Variants in CNOT2 observed in about 807,000 individuals in gnomAD.
CNOT2 encodes the protein CCR4-NOT transcription complex subunit 2.
CNOT2 carries 7 observed loss-of-function variants against 72.1 expected under a neutral mutation model. The observed-to-expected ratio is 0.10, with a 90% confidence interval of 0.06 to 0.18. The LOEUF is 0.18. Ranked by LOEUF, CNOT2 falls within the 10% of genes least tolerant of loss-of-function variation. CNOT2 has a pLI of 1.00. For synonymous variants in CNOT2, 196 were observed against 225.6 expected (o/e 0.87, Z 1.17); for missense variants, 345 against 660.3 (o/e 0.52, Z 5.23).
intron 1 of CNOT2, among the ~76,000 whole-genome samples, chr12:70,249,762 C>T (rs897799754): frequency 2.0e-5 from 3 of 151,930 alleles, no homozygotes; most frequent in African/African-American, 7.3e-5. Flanking sequence ...CACTGAGAAA[C>T]GTTAAAAACT....
chr12:70,281,580 A>G (rs1402657096), intron 2 of CNOT2, among the ~76,000 whole-genome samples: 2 of 152,128 alleles, frequency 1.3e-5, no homozygotes, highest in Non-Finnish European at 2.9e-5. Context: ...GGGTTTACTT[A>G]TATTGGTTAT....
At chr12:70,337,808 G>A (rs1326530274) in intron 9 of CNOT2, 1 of 473,032 alleles carries the variant, frequency 2.1e-6, no homozygotes, top group East Asian at 6.3e-5. Context: ...CTAAGGAGCT[G>A]TGTTTTTCTT....
At chr12:70,257,280 A>T (rs1958502152) in intron 1 of CNOT2, among the ~76,000 whole-genome samples, 1 of 152,088 alleles carries the variant, frequency 6.6e-6, no homozygotes, top group Non-Finnish European at 1.5e-5. Context: ...GGAGTAAATG[A>T]CAACATATGT....
chr12:70,280,993 C>T (rs562668624), intron 2 of CNOT2, among the ~76,000 whole-genome samples: 25 of 152,028 alleles, frequency 1.6e-4, no homozygotes, highest in Admixed American at 8.5e-4. Context: ...TTATCTTCCT[C>T]TAATTTAGAC....
At chr12:70,257,390 T>G (rs957130190) in intron 1 of CNOT2, among the ~76,000 whole-genome samples, 2 of 141,362 alleles carry the variant, frequency 1.4e-5, no homozygotes, top group African/African-American at 2.6e-5. Flanking sequence ...AGACGGAGTC[T>G]CGCTCTTTCG....
intron 1 of CNOT2, among the ~76,000 whole-genome samples, chr12:70,273,185 G>A (rs956546798): frequency 6.6e-6 from 1 of 151,948 alleles, no homozygotes; most frequent in South Asian, 2.1e-4. Context: ...TCTGTACTTT[G>A]TCTCCAGTTT....
At position 70,330,455 on chromosome 12, in the gene CNOT2, T is replaced by G. The variant is rs771395739; in HGVS notation, c.555T>G (p.Pro185=). The G allele has an allele frequency of 1.9e-6, 3 of 1,609,626 alleles. No homozygotes were observed. Among genetic ancestry groups the G allele is most frequent in the Non-Finnish European group, 8.5e-7 (1 of 1,176,974 alleles). Residue 185 remains proline, a synonymous_variant, in exon 6 of 16, where the codon CCT becomes CCG. Transcript: ENST00000229195. ...CAAAGCAGCAGCCTTCTCGACAGCC[T>G]TTTACTGTGAACAGGTAAGATGTTT... ...CMPKQQPSRQ[P]FTVNSMSGFG...
chr12:70,302,953 C>T (rs1874372728), intron 2 of CNOT2, among the ~76,000 whole-genome samples: 2 of 152,134 alleles, frequency 1.3e-5, no homozygotes, highest in Admixed American at 1.3e-4. Context: ...TTGAATTGAT[C>T]CCTTTACCAT....
At chr12:70,272,537 GTTTTCTTAC>G (rs1247752065) in intron 1 of CNOT2, among the ~76,000 whole-genome samples, 1 of 152,110 alleles carries the variant, frequency 6.6e-6, no homozygotes, top group Non-Finnish European at 1.5e-5. Context: ...CTTACTCTTT[GTTTTCTTAC>G]CTATCATTAG....
intron 2 of CNOT2, among the ~76,000 whole-genome samples, chr12:70,279,983 C>G (rs1214543973): frequency 6.6e-6 from 1 of 152,034 alleles, no homozygotes. Flanking sequence ...TCCCTTTTCT[C>G]TCTTCGTTTA....
intron 2 of CNOT2, among the ~76,000 whole-genome samples, chr12:70,298,836 C>G (rs1259804925): frequency 1.3e-5 from 2 of 151,984 alleles, no homozygotes; most frequent in East Asian, 1.9e-4. Flanking sequence ...ATCTTATAAG[C>G]CTTATTGATT....
At chr12:70,275,781 G>T (rs1053788699) in intron 1 of CNOT2, among the ~76,000 whole-genome samples, 1 of 152,018 alleles carries the variant, frequency 6.6e-6, no homozygotes, top group Non-Finnish European at 1.5e-5. Flanking sequence ...CCTTTTCACA[G>T]ATTGTGTCTC....
chr12:70,353,777 A>T, intron 15 of CNOT2, 52 bp from the exon 16 acceptor site: 1 of 1,593,584 alleles, frequency 6.3e-7, no homozygotes, highest in Non-Finnish European at 8.5e-7. Flanking sequence ...TATTTTGACA[A>T]ATGTAAAATG....
rs980083210 is a variant in CNOT2 at position 70,299,710 on chromosome 12, A to T, written c.49-11185A>T. ...AGTGTGCATGTGTCTTTATAGTAGC[A>T]TGATTTATAATCCTTTGGGTATATA... On this transcript the variant is annotated intron_variant, in intron 2 of 15. Transcript: ENST00000229195. Among the ~76,000 whole-genome samples the T allele has an allele frequency of 7.2e-5, 11 of 152,166 alleles. 1 individual carries two copies. Among genetic ancestry groups the T allele is most frequent in the African/African-American group, 2.2e-4 (9 of 41,440 alleles).
intron 1 of CNOT2, among the ~76,000 whole-genome samples, chr12:70,250,677 G>A (rs1376969339): frequency 6.6e-6 from 1 of 152,150 alleles, no homozygotes; most frequent in East Asian, 1.9e-4. Flanking sequence ...GGAGGTATCA[G>A]TTGAGCAGAA....
intron 1 of CNOT2, among the ~76,000 whole-genome samples, chr12:70,249,924 T>C (rs1055479846): frequency 1.3e-5 from 2 of 152,086 alleles, no homozygotes; most frequent in African/African-American, 4.8e-5. Context: ...TTTATGGGAA[T>C]GAACATGTCT....
At chr12:70,283,463 C>T (rs1291099058) in intron 2 of CNOT2, among the ~76,000 whole-genome samples, 1 of 69,618 alleles carries the variant, frequency 1.4e-5, no homozygotes, top group Non-Finnish European at 2.8e-5. Flanking sequence ...CTCAGTCAGT[C>T]GATTGATAGA....
intron 1 of CNOT2, among the ~76,000 whole-genome samples, chr12:70,244,601 T>C (rs1271029488): frequency 6.6e-6 from 1 of 152,166 alleles, no homozygotes; most frequent in Non-Finnish European, 1.5e-5. Flanking sequence ...TCAACTTCCT[T>C]CGAATCCTTG....
chr12:70,305,034 G>C (rs1276217897), intron 2 of CNOT2, among the ~76,000 whole-genome samples: 1 of 152,158 alleles, frequency 6.6e-6, no homozygotes. Context: ...GCAGTATTAG[G>C]GTGGGAGTGA....
Sources: gnomAD v4.1 joint callset for allele counts (sites outside exome capture counted in the v4.1 genomes callset) on GRCh38, gnomAD v4.1.1 for gene constraint, MANE v1.5 for transcripts, NCBI Gene and HGNC (gene_info 2026-07-23, HGNC 2026-07-21) for gene names.